The following ACTR3C variants were observed in gnomAD, a reference collection of about 807,000 sequenced individuals.
ACTR3C encodes actin related protein 3C.
In ACTR3C, 18 loss-of-function variants were observed where a neutral mutation model predicts 26.3. The observed-to-expected ratio is 0.68, with a 90% CI of 0.47 to 1.01. The LOEUF (loss-of-function observed/expected upper bound fraction) is 1.01, where lower values mean the gene tolerates loss of function less well. Ranked by LOEUF, ACTR3C falls within the 50% of genes least tolerant of loss-of-function variation. The probability of loss-of-function intolerance (pLI) is 0.00; values close to 1 mark genes in which losing one functional copy is unlikely to be tolerated. For missense variants in ACTR3C, 184 were observed against 250.7 expected, an observed-to-expected ratio of 0.73 and a Z score of 1.80; for synonymous variants, 55 against 94.5, an observed-to-expected ratio of 0.58 and a Z score of 2.42.
rs540085477 is a variant in ACTR3C, at chr7:150,279,180, C to T, written c.564+5573G>A. On this transcript the variant is annotated intron_variant, in intron 6 of 7. Coordinates refer to ENST00000683684, the MANE Select transcript of ACTR3C (RefSeq NM_001164458.2). ...ATTAGCTGCAAGTGGTCGCCCACAC[C>T]TGTAGTTCCAGCTACTTGAGGGGCT... Among the ~76,000 whole-genome samples, 186 of 152,232 alleles carry T rather than the reference C, an allele frequency of 1.2e-3. 1 individual carries two copies. Among genetic ancestry groups the T allele is most frequent in the African/African-American group, 4.3e-3 (178 of 41,554 alleles).
chr7:150,054,857 C>G, the ACTR3C span, among the ~76,000 whole-genome samples: 1 of 152,222 alleles, frequency 6.6e-6, no homozygotes, highest in African/African-American at 2.4e-5. Context: ...AAATGATGAA[C>G]TACAGTGAAC....
At chr7:149,882,533 A>G in the ACTR3C span, among the ~76,000 whole-genome samples, 1 of 152,002 alleles carries the variant, frequency 6.6e-6, no homozygotes, top group Non-Finnish European at 1.5e-5. Context: ...GGGAGAGAGG[A>G]GAGGGTCCCA....
the ACTR3C span, among the ~76,000 whole-genome samples, chr7:150,039,962 TC>T: frequency 9.1e-3 from 1,012 of 111,722 alleles, 53 homozygotes; most frequent in Admixed American, 0.064. Context: ...AGGTTCGCAG[TC>T]CCCGCCTCGC....
the ACTR3C span, among the ~76,000 whole-genome samples, chr7:149,951,754 C>T: frequency 7.9e-3 from 1,195 of 150,850 alleles, 13 homozygotes; most frequent in African/African-American, 0.028. Context: ...TTAATTATAA[C>T]CAAATCCCAT....
the ACTR3C span, chr7:149,892,258 C>T: frequency 2.1e-6 from 3 of 1,444,570 alleles, no homozygotes; most frequent in East Asian, 4.8e-5. Context: ...GAAGCAGACA[C>T]CTGTCGGAAA....
chr7:150,099,628 C>T, the ACTR3C span, among the ~76,000 whole-genome samples: 1 of 151,572 alleles, frequency 6.6e-6, no homozygotes, highest in Admixed American at 6.6e-5. Flanking sequence ...AGCTGGGCAG[C>T]ATCCTCAGGC....
At chr7:149,970,231 AG>A in the ACTR3C span, among the ~76,000 whole-genome samples, 2,747 of 151,772 alleles carry the variant, frequency 0.018, 41 homozygotes, top group Middle Eastern at 0.031. Context: ...CCCCATTTCC[AG>A]GTGCAAATTC....
the ACTR3C span, among the ~76,000 whole-genome samples, chr7:150,010,629 G>A: frequency 1.3e-5 from 2 of 151,146 alleles, no homozygotes; most frequent in Admixed American, 6.6e-5. Flanking sequence ...GGGAGGCAGA[G>A]GTTGCAGTGA....
chr7:150,241,775 A>G (rs1360276354), downstream of ACTR3C, among the ~76,000 whole-genome samples: 1 of 152,212 alleles, frequency 6.6e-6, no homozygotes, highest in Non-Finnish European at 1.5e-5. Flanking sequence ...CTTATAACTA[A>G]ATAATCAAAA....
downstream of ACTR3C, among the ~76,000 whole-genome samples, chr7:150,239,530 C>A (rs1315020016): frequency 4.6e-4 from 56 of 122,486 alleles, no homozygotes; most frequent in Middle Eastern, 3.9e-3. Flanking sequence ...CTCTCTCTCT[C>A]TCTCTCTCTC....
intron 3 of ACTR3C, among the ~76,000 whole-genome samples, chr7:150,291,594 G>A (rs975763713): frequency 2.0e-5 from 3 of 152,124 alleles, no homozygotes; most frequent in South Asian, 4.1e-4. Flanking sequence ...ACTAAGATAC[G>A]ATTAAAAATC....
At chr7:149,946,871 G>A in the ACTR3C span, among the ~76,000 whole-genome samples, 9 of 152,096 alleles carry the variant, frequency 5.9e-5, no homozygotes, top group East Asian at 5.8e-4. Flanking sequence ...GAAAGAAACC[G>A]CATTGGTTCT....
chr7:149,883,353 A>G, the ACTR3C span, among the ~76,000 whole-genome samples: 45,792 of 151,938 alleles, frequency 0.3, 6,947 homozygotes, highest in African/African-American at 0.32. Flanking sequence ...ACCATCCCCA[A>G]TGTGGGAGGC....
the ACTR3C span, among the ~76,000 whole-genome samples, chr7:150,237,539 G>A: frequency 3.3e-5 from 5 of 152,206 alleles, no homozygotes; most frequent in South Asian, 1.0e-3. Flanking sequence ...AGCACACCCT[G>A]TATTGGCTTC....
At chr7:150,028,357 CCTGTGT>C in the ACTR3C span, among the ~76,000 whole-genome samples, 1,272 of 151,498 alleles carry the variant, frequency 8.4e-3, no homozygotes, top group African/African-American at 0.026. Context: ...TGTGTGCATG[CCTGTGT>C]CTGTGTCTGT....
At chr7:150,183,260 G>C in the ACTR3C span, among the ~76,000 whole-genome samples, 1 of 147,596 alleles carries the variant, frequency 6.8e-6, no homozygotes, top group Admixed American at 6.6e-5. Context: ...AGCATTAGGG[G>C]CTAACACACA....
At chr7:150,206,395 G>A in the ACTR3C span, among the ~76,000 whole-genome samples, 4 of 152,070 alleles carry the variant, frequency 2.6e-5, no homozygotes, top group African/African-American at 9.7e-5. Flanking sequence ...AAGAGACTGT[G>A]GGTGGGGTTT....
rs1563183288 is a variant in ACTR3C, at chr7:150,288,163, CG to C, written c.297+1286del. Among the ~76,000 whole-genome samples the C allele has an allele frequency of 1.5e-5, 2 of 131,422 alleles. 1 individual carries two copies. Among genetic ancestry groups the C allele is most frequent in the African/African-American group, 6.5e-5 (2 of 30,606 alleles). The allele number at this position is 131,422 out of a possible 152,430, so 86.2% of individuals were successfully genotyped here. The stretch of plus-strand genomic sequence containing the variant: ...GCCAGGGCAGCTGATTCGGAGGCTA[CG>C]AACAGTCTCTTTTACTCCCAGCCTT... On this transcript the variant is annotated intron_variant, in intron 4 of 7. Coordinates refer to ENST00000683684, the MANE Select transcript of ACTR3C (RefSeq NM_001164458.2).
At chr7:149,976,351 G>A in the ACTR3C span, among the ~76,000 whole-genome samples, 1 of 152,094 alleles carries the variant, frequency 6.6e-6, no homozygotes, top group East Asian at 1.9e-4. Context: ...GAGGCGGGCG[G>A]ATCACGAGGT....
Sources: allele counts gnomAD v4.1 joint callset (sites outside exome capture counted in the v4.1 genomes callset), GRCh38; gene constraint gnomAD v4.1.1; transcripts MANE v1.5; gene names NCBI Gene and HGNC (gene_info 2026-07-23, HGNC 2026-07-21).